Variants in RIF1 observed in about 807,000 individuals in gnomAD.
The protein encoded by RIF1 is telomere-associated protein RIF1.
In RIF1, 45 loss-of-function variants were observed where a neutral mutation model predicts 247.1. The ratio of observed to expected loss-of-function variants is 0.18; its 90% confidence interval spans 0.14 to 0.23. The LOEUF is 0.23. RIF1 is among the 10% of genes least tolerant of loss of function. The pLI, the probability that RIF1 is intolerant of heterozygous loss-of-function variation, is 1.00. For missense variants in RIF1, 2,967 were observed against 2,862.5 expected, an observed-to-expected ratio of 1.04 and a Z score of -0.83; for synonymous variants, 1,087 against 978.8, an observed-to-expected ratio of 1.11 and a Z score of -2.06.
At position 151,475,415 on chromosome 2, in the gene RIF1, TTAAG is replaced by T. The variant is rs2048881522; in HGVS notation, c.*348_*351del. 1 of 227,908 alleles carries T rather than the reference TTAAG, an allele frequency of 4.4e-6. No individual in the cohort carries two copies. Among genetic ancestry groups the T allele is most frequent in the African/African-American group, 2.4e-5 (1 of 42,292 alleles). The allele number at this position is 227,908 out of a possible 1,614,324, so 14.1% of individuals were successfully genotyped here. A position where few individuals can be genotyped will look rare whatever the true frequency, so the allele number is the denominator to read the frequency against. On this transcript the variant is annotated 3_prime_UTR_variant, in exon 36 of 36. Transcript: ENST00000444746. Reference sequence around the variant, plus strand: ...ATTCTGGTGAAACATGTAAAATACTTTAAGTAAAATTGAACATTTTTATTTGAAT... The same window carrying T: ...ATTCTGGTGAAACATGTAAAATACTTTAAAATTGAACATTTTTATTTGAAT...
At chr2:151,448,552 T>G (rs1459181821) in intron 20 of RIF1, among the ~76,000 whole-genome samples, 1 of 152,228 alleles carries the variant, frequency 6.6e-6, no homozygotes. Context: ...TCAGATCTTG[T>G]CACTCTTGAA....
Position 151,491,583 on chromosome 2 carries a change from A to T in RIF1, c.*416-3646A>T. ...CAAATGGGCAGCTCAGAAAATGGAA[A>T]ACTCTGGAGGGAAGGAACTTCAGAG... On this transcript the variant is annotated intron_variant and NMD_transcript_variant, in intron 9 of 13. Transcript: ENST00000454583. 3.0e-6 allele frequency: 3 copies of T among 1,005,974 alleles called. No homozygotes were observed. In the South Asian group the frequency reaches 4.2e-5, roughly 14 times the overall value. 62.3% of individuals were successfully genotyped at this position (1,005,974 alleles called of 1,614,324 possible).
chr2:151,411,207 ATT>A (rs66862523), intron 2 of RIF1, 51 bp from the exon 3 acceptor site: 807 of 904,990 alleles, frequency 8.9e-4, no homozygotes, highest in Non-Finnish European at 1.1e-3. Context: ...TTTTGAGAGT[ATT>A]TTTTTTTTTC....
chr2:151,501,844 A>C (rs1004394115), intron 11 of RIF1, among the ~76,000 whole-genome samples: 3 of 152,290 alleles, frequency 2.0e-5, no homozygotes, highest in South Asian at 2.1e-4. Flanking sequence ...GGAGAGAGAG[A>C]GACAGGTAGG....
rs1247278491 is a variant in RIF1, at chr2:151,474,056, A to G, written c.7188A>G (p.Glu2396=). The change falls in exon 35 of 36, where the codon GAA becomes GAG. Residue 2396 remains glutamate, a synonymous_variant. Transcript: ENST00000444746. ...GIENKSLSPD[E]ERLVSDIIDP... ...AAAATAAATCTTTGTCACCTGATGA[A>G]GAAAGACTTGTCTCAGGTATATTTT... 2.0e-6 allele frequency: 3 copies of G among 1,512,428 alleles called. No homozygotes were observed. The highest frequency in any genetic ancestry group is 2.3e-5 in the East Asian group (1 of 44,120). The allele number at this position is 1,512,428 out of a possible 1,614,324, so 93.7% of individuals were successfully genotyped here.
chr2:151,410,255 C>T, intron 1 of RIF1, 159 bp from the exon 2 acceptor site: 1 of 645,628 alleles, frequency 1.5e-6, no homozygotes, highest in Admixed American at 2.5e-5. Flanking sequence ...GGAGGAGGTT[C>T]GCGCTGGGGT....
In RIF1 at chr2:151,457,873, A is replaced by G; in HGVS notation, c.2765A>G (p.His922Arg). ...CCACTATTATGCATAATATTTCTGCACAAGAATAAACAGATTCGAAAACAG... is the reference window on the plus strand; with the variant it reads ...CCACTATTATGCATAATATTTCTGCGCAAGAATAAACAGATTCGAAAACAG... ...LSPLLCIIFL[H>R]KNKQIRKQSA... Residue 922 changes from histidine to arginine, a missense_variant, in exon 24 of 36, where the codon CAC (histidine) becomes CGC (arginine). This residue lies in a region of RIF1 where 2,028 missense variants were observed against 1,825.6 expected (regional missense o/e 1.11). Transcript: ENST00000444746. 1 of 1,613,850 alleles carries G rather than the reference A, an allele frequency of 6.2e-7. No individual in the cohort carries two copies. Among genetic ancestry groups the G allele is most frequent in the Non-Finnish European group, 8.5e-7 (1 of 1,179,828 alleles).
rs1415943774 is a variant in RIF1 at position 151,505,951 on chromosome 2, T to A, written c.*862-259T>A. 3 of 589,040 alleles carry A rather than the reference T, an allele frequency of 5.1e-6. 1 individual carries two copies. The highest frequency in any genetic ancestry group is 4.2e-5 in the South Asian group (2 of 47,080). 36.5% of individuals were successfully genotyped at this position (589,040 alleles called of 1,614,324 possible). On this transcript the variant is annotated intron_variant and NMD_transcript_variant, in intron 12 of 13. Transcript: ENST00000454583. Reference sequence around the variant, plus strand: ...GATTCTACCTTCTCACAAGCCTCTCTGTTTTTCAGATCTAATCTCTCCCTC... The same window carrying A: ...GATTCTACCTTCTCACAAGCCTCTCAGTTTTTCAGATCTAATCTCTCCCTC...
intron 9 of RIF1, among the ~76,000 whole-genome samples, chr2:151,430,278 CCCAAAGTGCTGGGATT>C (rs1271503890): frequency 4.6e-5 from 7 of 152,184 alleles, no homozygotes; most frequent in South Asian, 4.1e-4. Flanking sequence ...GCCTCAGCCT[CCCAAAGTGCTGGGATT>C]CCAGGTGTGA....
the RIF1 span, among the ~76,000 whole-genome samples, chr2:151,516,853 C>T: frequency 2.0e-5 from 3 of 152,272 alleles, no homozygotes; most frequent in East Asian, 1.9e-4. Context: ...TGCAAGAAAA[C>T]GCATGGGGAA....
the RIF1 span, among the ~76,000 whole-genome samples, chr2:151,525,561 C>G: frequency 6.6e-6 from 1 of 152,246 alleles, no homozygotes; most frequent in East Asian, 1.9e-4. Flanking sequence ...TCATATAATA[C>G]CAAGGTTACT....
At chr2:151,490,439 C>G in intron 9 of RIF1, 1 of 1,604,746 alleles carries the variant, frequency 6.2e-7, no homozygotes, top group Non-Finnish European at 8.5e-7. Context: ...CTTCTGAATG[C>G]TCAGACTTCT....
intron 4 of RIF1, among the ~76,000 whole-genome samples, chr2:151,415,239 C>T (rs970519054): frequency 2.7e-5 from 4 of 150,624 alleles, no homozygotes; most frequent in Non-Finnish European, 4.4e-5. Context: ...TCCAGCTACT[C>T]GGGAGGCTGA....
At chr2:151,410,558 T>A (rs4664045) in intron 2 of RIF1, 31 bp downstream of exon 2, 2 of 1,559,264 alleles carry the variant, frequency 1.3e-6, no homozygotes, top group Admixed American at 3.4e-5. Context: ...TAGCGGAGAG[T>A]GGGGCGCTCT....
chr2:151,513,975 G>T, the RIF1 span, among the ~76,000 whole-genome samples: 2 of 152,144 alleles, frequency 1.3e-5, no homozygotes, highest in Non-Finnish European at 2.9e-5. Flanking sequence ...AAAGTAAATT[G>T]TACATCTAGT....
In RIF1 at chr2:151,469,780, A is replaced by G. The variant is rs1000673466; in HGVS notation, c.7011A>G (p.Thr2337=). 1.9e-6 allele frequency: 3 copies of G among 1,611,940 alleles called. No individual in the cohort carries two copies. Among genetic ancestry groups the G allele is most frequent in the East Asian group, 2.2e-5 (1 of 44,810 alleles). The stretch of plus-strand genomic sequence containing the variant: ...CTATTGGTGATTTGAGTACTCTTAC[A>G]GCATCTGAAATAAAAACTCTTCCTA... ...IKTIGDLSTL[T]ASEIKTLPIR... The change falls in exon 34 of 36, where the codon ACA becomes ACG. Residue 2337 remains threonine (T), a synonymous_variant. Transcript: ENST00000444746.
intron 2 of RIF1, among the ~76,000 whole-genome samples, chr2:151,411,048 C>T (rs934747579): frequency 2.6e-5 from 4 of 152,006 alleles, no homozygotes; most frequent in Non-Finnish European, 5.9e-5. Flanking sequence ...TGCATGTACT[C>T]GATGTAAAAA....
intron 11 of RIF1, among the ~76,000 whole-genome samples, chr2:151,501,132 A>T (rs199692784): frequency 4.6e-5 from 7 of 152,174 alleles, no homozygotes; most frequent in Admixed American, 1.3e-4. Context: ...CTGGAAATCA[A>T]TTAACTTCAA....
chr2:151,491,975 C>CT, intron 9 of RIF1: 1 of 1,136,262 alleles, frequency 8.8e-7, no homozygotes, highest in East Asian at 2.4e-5. Flanking sequence ...TAGGAGCTTT[C>CT]TTGCACCTCT....
Sources: allele counts gnomAD v4.1 joint callset (sites outside exome capture counted in the v4.1 genomes callset), GRCh38; gene constraint gnomAD v4.1.1; regional missense constraint gnomAD v4.1.1; transcripts MANE v1.5; gene names NCBI Gene and HGNC (gene_info 2026-07-23, HGNC 2026-07-21).